Variants in WDR72 observed in about 807,000 individuals in gnomAD.
The protein encoded by WDR72 is WD repeat-containing protein 72.
WDR72 carries 120 observed loss-of-function variants against 124.2 expected under a neutral mutation model. That is an observed-to-expected ratio of 0.97 (90% CI 0.83 to 1.12). WDR72 has a LOEUF of 1.12. Ranked by LOEUF, WDR72 falls within the 50% of genes most tolerant of loss-of-function variation. The pLI, the probability that WDR72 is intolerant of heterozygous loss-of-function variation, is 0.00. For missense variants in WDR72, 1,387 were observed against 1,278.8 expected (o/e 1.08, Z -1.29); for synonymous variants, 452 against 441.7 (o/e 1.02, Z -0.29).
upstream of WDR72, among the ~76,000 whole-genome samples, chr15:53,761,676 A>T (rs1001460312): frequency 1.3e-5 from 2 of 151,986 alleles, no homozygotes; most frequent in Non-Finnish European, 2.9e-5. Context: ...AAAATACAAA[A>T]ATTAGCCAGG....
chr15:53,737,806 T>C (rs1359653151), intron 1 of WDR72, among the ~76,000 whole-genome samples: 1 of 152,066 alleles, frequency 6.6e-6, no homozygotes, highest in Non-Finnish European at 1.5e-5. Context: ...ATTAGTAACA[T>C]CACAAAAATA....
chr15:53,739,347 C>T (rs868525138), intron 1 of WDR72, among the ~76,000 whole-genome samples: 1 of 152,180 alleles, frequency 6.6e-6, no homozygotes, highest in African/African-American at 2.4e-5. Flanking sequence ...TGGCCTACAT[C>T]TCTATCACTC....
chr15:53,562,875 A>G (rs2140295875), intron 18 of WDR72, among the ~76,000 whole-genome samples: 1 of 151,920 alleles, frequency 6.6e-6, no homozygotes, highest in East Asian at 1.9e-4. Context: ...TAGAAAATAA[A>G]TGAGCAATGA....
intron 18 of WDR72, among the ~76,000 whole-genome samples, chr15:53,573,577 G>A (rs1894640033): frequency 6.7e-6 from 1 of 148,440 alleles, no homozygotes; most frequent in African/African-American, 2.5e-5. Flanking sequence ...ACGGAGTCTC[G>A]CTCTGTCACC....
chr15:53,719,135 A>G (rs2017800907), intron 3 of WDR72, among the ~76,000 whole-genome samples: 1 of 152,164 alleles, frequency 6.6e-6, no homozygotes, highest in Non-Finnish European at 1.5e-5. Context: ...TGTGCTTATA[A>G]CACTATAGTT....
intron 4 of WDR72, 65 bp from the exon 5 acceptor site, chr15:53,715,432 T>G (rs1242969967): frequency 6.3e-7 from 1 of 1,586,756 alleles, no homozygotes; most frequent in African/African-American, 1.3e-5. Context: ...TTGGCTACAT[T>G]GAAGATTTCT....
At position 53,655,308 on chromosome 15, in the gene WDR72, T is replaced by C. The variant is rs558270926; in HGVS notation, c.1962+10264A>G. On this transcript the variant is annotated intron_variant, in intron 14 of 19. Transcript: ENST00000360509. ...ACCATCTATCAACCTGACTTTATAA[T>C]TGATCTGGTTTAATAAAAGATAGGT... is the stretch of plus-strand genomic sequence containing the variant. Among the ~76,000 whole-genome samples, 22 of 150,856 alleles carry C rather than the reference T, an allele frequency of 1.5e-4. No homozygotes were observed. In the South Asian group the frequency reaches 2.5e-3, roughly 17 times the overall value.
At chr15:53,657,263 C>CAAAAAAAAAAAAAAAAAAAAA (rs10549551) in intron 14 of WDR72, among the ~76,000 whole-genome samples, 7 of 56,404 alleles carry the variant, frequency 1.2e-4, no homozygotes, top group African/African-American at 1.5e-4. Context: ...GACTCCATCT[C>CAAAAAAAAAAAAAAAAAAAAA]AAAAAAAAAA....
intron 13 of WDR72, among the ~76,000 whole-genome samples, chr15:53,678,643 C>A (rs1417632438): frequency 6.6e-6 from 1 of 152,182 alleles, no homozygotes; most frequent in Admixed American, 6.5e-5. Context: ...TTGTCCTACC[C>A]AATTCTGAAT....
chr15:53,741,356 A>T (rs951169938), intron 1 of WDR72, among the ~76,000 whole-genome samples: 1 of 152,240 alleles, frequency 6.6e-6, no homozygotes, highest in Non-Finnish European at 1.5e-5. Context: ...CAAAGCCACA[A>T]GAAATCAGAT....
At chr15:53,557,088 G>A (rs1313522191) in intron 18 of WDR72, among the ~76,000 whole-genome samples, 1 of 152,082 alleles carries the variant, frequency 6.6e-6, no homozygotes, top group East Asian at 1.9e-4. Flanking sequence ...CTTGGCCAGA[G>A]TAAGAAACTT....
At chr15:53,520,329 A>G (rs930311067) in intron 19 of WDR72, among the ~76,000 whole-genome samples, 1 of 152,112 alleles carries the variant, frequency 6.6e-6, no homozygotes, top group Non-Finnish European at 1.5e-5. Flanking sequence ...CATTGCATAG[A>G]TAAAACCATG....
At chr15:53,585,393 A>T (rs1369878294) in intron 18 of WDR72, among the ~76,000 whole-genome samples, 1 of 151,950 alleles carries the variant, frequency 6.6e-6, no homozygotes, top group Non-Finnish European at 1.5e-5. Context: ...CGCCCCTGTG[A>T]TCCAATCACC....
chr15:53,672,707 AAAG>A (rs1174093413), intron 13 of WDR72, among the ~76,000 whole-genome samples: 2 of 152,170 alleles, frequency 1.3e-5, no homozygotes, highest in African/African-American at 2.4e-5. Context: ...ACATCTACCT[AAAG>A]AAGGAGAAGA....
rs575689781 is a variant in WDR72 at position 53,580,572 on chromosome 15, G to C, written c.3148+16507C>G. 4.6e-5 allele frequency among the ~76,000 whole-genome samples: 7 copies of C among 152,166 alleles called. No homozygotes were observed. The East Asian group carries it at 1.4e-3, about 30-fold the overall frequency. On this transcript the variant is annotated intron_variant, in intron 18 of 19. Transcript: ENST00000360509. ...TCGTGCTTCAGCAGCTAGCTTGGTAGGCACTGGGCACCAAACAGAGGCACA... is the reference window on the plus strand; with the variant it reads ...TCGTGCTTCAGCAGCTAGCTTGGTACGCACTGGGCACCAAACAGAGGCACA...
chr15:53,658,405 T>C (rs963256730), intron 14 of WDR72, among the ~76,000 whole-genome samples: 1 of 152,146 alleles, frequency 6.6e-6, no homozygotes, highest in Non-Finnish European at 1.5e-5. Context: ...CATAGCAACC[T>C]TGTAGTGCTG....
At chr15:53,681,300 C>T (rs1298127323) in intron 13 of WDR72, among the ~76,000 whole-genome samples, 3 of 152,130 alleles carry the variant, frequency 2.0e-5, no homozygotes, top group Admixed American at 2.0e-4. Flanking sequence ...GCAGATGGCT[C>T]CTTTGGGTTT....
At chr15:53,645,703 T>A (rs2015017549) in intron 14 of WDR72, among the ~76,000 whole-genome samples, 1 of 152,184 alleles carries the variant, frequency 6.6e-6, no homozygotes, top group Non-Finnish European at 1.5e-5. Context: ...ACTATATCAT[T>A]TTAACTGCTA....
chr15:53,528,423 C>T (rs931872011), intron 18 of WDR72, among the ~76,000 whole-genome samples: 11 of 152,128 alleles, frequency 7.2e-5, no homozygotes, highest in Admixed American at 7.2e-4. Context: ...TTCTTTATAA[C>T]TAATAACTAT....
Sources: gnomAD v4.1 joint callset for allele counts (sites outside exome capture counted in the v4.1 genomes callset) on GRCh38, gnomAD v4.1.1 for gene constraint, MANE v1.5 for transcripts, NCBI Gene and HGNC (gene_info 2026-07-23, HGNC 2026-07-21) for gene names.